NKAIN2: variants seen among roughly 807,000 people sequenced by gnomAD.
The protein encoded by NKAIN2 is sodium/potassium-transporting ATPase subunit beta-1-interacting protein 2.
A neutral mutation model predicts 32.6 loss-of-function variants in NKAIN2; 14 were observed. The ratio of observed to expected loss-of-function variants is 0.43; its 90% CI spans 0.28 to 0.67. The LOEUF is 0.67. Among genes scored for constraint, NKAIN2 ranks in the 30% least tolerant of loss-of-function variants. The pLI is 0.17. For synonymous variants in NKAIN2, 80 were observed against 87.2 expected (o/e 0.92, Z 0.46); for missense variants, 198 against 258.3 (o/e 0.77, Z 1.60).
chr6:124,312,241 T>C (rs918534996), intron 2 of NKAIN2, among the ~76,000 whole-genome samples: 4 of 152,248 alleles, frequency 2.6e-5, no homozygotes, highest in Admixed American at 6.5e-5. Flanking sequence ...GTGCAGAGAT[T>C]TCTCCCCACC....
In NKAIN2 at chr6:124,072,735, C is replaced by T. The variant is rs139533922; in HGVS notation, c.55-210270C>T. Among the ~76,000 whole-genome samples the T allele has an allele frequency of 1.7e-4, 26 of 152,266 alleles. No homozygotes were observed. The East Asian group carries it at 3.7e-3, about 22-fold the overall frequency. ...GATTTCCAAGAAATATTTCAAAATC[C>T]ACTTCTTTATGAAATATTATTTTAT... On this transcript the variant is annotated intron_variant, in intron 1 of 6. Coordinates refer to ENST00000368417, the MANE Select transcript of NKAIN2 (RefSeq NM_001040214.3).
At position 124,342,130 on chromosome 6, in the gene NKAIN2, G is replaced by A. The variant is rs193194101; in HGVS notation, c.193-13137G>A. Among the ~76,000 whole-genome samples the A allele has an allele frequency of 4.6e-3, 692 of 152,068 alleles. 4 individuals are homozygous for A. Among genetic ancestry groups the A allele is most frequent in the Non-Finnish European group, 7.8e-3 (528 of 67,988 alleles). On this transcript the variant is annotated intron_variant, in intron 2 of 6. Transcript: ENST00000368417. Reference sequence around the variant, plus strand: ...CTATTAAAACACCTTGGCCAGGCACGGTGGCTCACGCCTGTAATCCCAGCA... The same window carrying A: ...CTATTAAAACACCTTGGCCAGGCACAGTGGCTCACGCCTGTAATCCCAGCA...
At chr6:124,033,984 G>T (rs1257767708) in intron 1 of NKAIN2, among the ~76,000 whole-genome samples, 15 of 151,992 alleles carry the variant, frequency 9.9e-5, no homozygotes, top group Admixed American at 9.9e-4. Context: ...TTTGAAATTT[G>T]TGCTTTGATA....
chr6:124,586,809 G>A (rs1781728005), intron 3 of NKAIN2, among the ~76,000 whole-genome samples: 1 of 152,112 alleles, frequency 6.6e-6, no homozygotes, highest in Non-Finnish European at 1.5e-5. Flanking sequence ...CTGGTGAGTG[G>A]ATAAATCGTG....
chr6:124,807,590 A>G (rs1266310272), intron 5 of NKAIN2, among the ~76,000 whole-genome samples: 1 of 144,034 alleles, frequency 6.9e-6, no homozygotes, highest in African/African-American at 2.5e-5. Context: ...CTAGAAAAGC[A>G]AGAGCAAACA....
At chr6:124,179,897 C>A (rs1789350999) in intron 1 of NKAIN2, among the ~76,000 whole-genome samples, 1 of 152,298 alleles carries the variant, frequency 6.6e-6, no homozygotes, top group African/African-American at 2.4e-5. Context: ...CTAATTTTGG[C>A]AGTAACTGAA....
chr6:124,245,915 G>T (rs967746749), intron 1 of NKAIN2, among the ~76,000 whole-genome samples: 12 of 152,160 alleles, frequency 7.9e-5, no homozygotes, highest in African/African-American at 2.9e-4. Context: ...CCAAGACATG[G>T]TGCTTACTGA....
intron 1 of NKAIN2, among the ~76,000 whole-genome samples, chr6:123,941,926 T>G (rs1776845884): frequency 6.6e-6 from 1 of 151,950 alleles, no homozygotes; most frequent in Non-Finnish European, 1.5e-5. Context: ...TCAGCTTCAG[T>G]TTGACTTGAC....
At chr6:124,049,115 A>G (rs1277108910) in intron 1 of NKAIN2, among the ~76,000 whole-genome samples, 1 of 152,034 alleles carries the variant, frequency 6.6e-6, no homozygotes, top group Non-Finnish European at 1.5e-5. Context: ...TTTTGCATCA[A>G]TTCTCTGTAT....
intron 1 of NKAIN2, among the ~76,000 whole-genome samples, chr6:124,202,420 A>G (rs1230711285): frequency 6.6e-6 from 1 of 151,904 alleles, no homozygotes; most frequent in Non-Finnish European, 1.5e-5. Flanking sequence ...GAGCATATTA[A>G]GTACACAAAA....
chr6:124,039,171 A>C (rs933083682), intron 1 of NKAIN2, among the ~76,000 whole-genome samples: 8 of 152,220 alleles, frequency 5.3e-5, no homozygotes, highest in Non-Finnish European at 7.4e-5. Flanking sequence ...GTTACCAATA[A>C]AATTTTTAAA....
intron 3 of NKAIN2, among the ~76,000 whole-genome samples, chr6:124,639,026 A>G (rs772058750): frequency 1.3e-5 from 2 of 152,144 alleles, no homozygotes. Context: ...CAAAACCACA[A>G]TGAAATATCA....
chr6:124,707,126 T>C (rs954420839), intron 4 of NKAIN2, among the ~76,000 whole-genome samples: 2 of 152,048 alleles, frequency 1.3e-5, no homozygotes, highest in African/African-American at 4.8e-5. Flanking sequence ...TTACTGAGAA[T>C]GATGATTTCT....
intron 1 of NKAIN2, among the ~76,000 whole-genome samples, chr6:124,038,038 G>A (rs1472765352): frequency 2.0e-5 from 3 of 152,122 alleles, no homozygotes; most frequent in Non-Finnish European, 4.4e-5. Context: ...TCCGTAAGTT[G>A]TCTGGTGAGG....
chr6:124,259,517 A>G (rs777116281), intron 1 of NKAIN2, among the ~76,000 whole-genome samples: 10 of 152,174 alleles, frequency 6.6e-5, no homozygotes, highest in Non-Finnish European at 1.3e-4. Context: ...GCCAGTTTCA[A>G]AATATGATAC....
intron 1 of NKAIN2, among the ~76,000 whole-genome samples, chr6:123,832,252 T>C (rs1221629955): frequency 1.3e-5 from 2 of 152,238 alleles, no homozygotes; most frequent in Admixed American, 1.3e-4. Context: ...GATTGGCTTC[T>C]TTCACTTAAT....
intron 1 of NKAIN2, among the ~76,000 whole-genome samples, chr6:123,805,807 G>A (rs1341903764): frequency 6.6e-6 from 1 of 152,102 alleles, no homozygotes; most frequent in Non-Finnish European, 1.5e-5. Context: ...CTGATTCACT[G>A]TGTGAAAGCA....
intron 4 of NKAIN2, among the ~76,000 whole-genome samples, chr6:124,671,060 TG>T (rs1316233302): frequency 6.6e-6 from 1 of 152,094 alleles, no homozygotes; most frequent in Non-Finnish European, 1.5e-5. Flanking sequence ...GGGCACCACC[TG>T]CAGCAAGCAG....
At chr6:124,038,687 G>T (rs930222727) in intron 1 of NKAIN2, among the ~76,000 whole-genome samples, 1 of 152,162 alleles carries the variant, frequency 6.6e-6, no homozygotes, top group South Asian at 2.1e-4. Flanking sequence ...TTAGCTTATA[G>T]TTTCTATATC....
Sources: gnomAD v4.1 joint callset for allele counts (sites outside exome capture counted in the v4.1 genomes callset) on GRCh38, gnomAD v4.1.1 for gene constraint, MANE v1.5 for transcripts, NCBI Gene and HGNC (gene_info 2026-07-23, HGNC 2026-07-21) for gene names.